Variants in EHBP1L1 observed in about 807,000 individuals in gnomAD.
The protein encoded by EHBP1L1 is EH domain binding protein 1 like 1.
Under a neutral mutation model 151.1 loss-of-function variants are expected in EHBP1L1, and 122 were observed. The observed-to-expected ratio is 0.81, with a 90% CI of 0.70 to 0.94. The LOEUF is 0.94. Ranked by LOEUF, EHBP1L1 falls within the 40% of genes least tolerant of loss-of-function variation. EHBP1L1 has a pLI of 0.00. For missense variants in EHBP1L1, 1,941 were observed against 1,959.8 expected (o/e 0.99, Z 0.18); for synonymous variants, 878 against 810.1 (o/e 1.08, Z -1.42).
chr11:65,585,631 C>T lies in EHBP1L1; in HGVS notation c.3933+40C>T, dbSNP rs376100678. 6.0e-5 allele frequency: 92 copies of T among 1,536,380 alleles called. No homozygotes were observed. The highest frequency in any genetic ancestry group is 1.7e-4 in the Middle Eastern group (1 of 5,922). ...CCTTCTTTCTTCCCCCGCCGCAGCG[C>T]GGGGTCCCGGGAAGATGGGCAGAGA... On this transcript the variant is annotated intron_variant, in intron 12 of 18. Transcript: ENST00000309295. The surrounding 1 kb of genome is among the most constrained non-coding windows in gnomAD (Gnocchi z 4.0).
At chr11:65,577,376 G>T (rs1857382632) in intron 1 of EHBP1L1, among the ~76,000 whole-genome samples, 1 of 152,240 alleles carries the variant, frequency 6.6e-6, no homozygotes, top group Non-Finnish European at 1.5e-5. Context: ...CCCACACTGG[G>T]CCTGCTAGAG....
Position 65,592,437 on chromosome 11 carries a change from T to A in EHBP1L1, c.*135T>A. The A allele has an allele frequency of 1.8e-6, 1 of 568,314 alleles. No homozygotes were observed. The highest frequency in any genetic ancestry group is 2.3e-6 in the Non-Finnish European group (1 of 433,082). 35.2% of individuals were successfully genotyped at this position (568,314 alleles called of 1,614,324 possible). On this transcript the variant is annotated 3_prime_UTR_variant, in exon 19 of 19. Transcript: ENST00000309295. Reference sequence around the variant, plus strand: ...TAGGGGCCGCCGGCGCCCTTCCCCGTACAGGGCAGGGCGGATCCCCGACCC... The same window carrying A: ...TAGGGGCCGCCGGCGCCCTTCCCCGAACAGGGCAGGGCGGATCCCCGACCC...
chr11:65,580,065 C>T lies in EHBP1L1; in HGVS notation c.313-16C>T, dbSNP rs756315038. The T allele has an allele frequency of 3.3e-5, 53 of 1,612,332 alleles. No individual in the cohort carries two copies. Among genetic ancestry groups the T allele is most frequent in the Non-Finnish European group, 4.2e-5 (49 of 1,178,734 alleles). The stretch of plus-strand genomic sequence containing the variant: ...GCACTGATGCCCCTTCTCCTGGTCT[C>T]TCCCCTGGCCCACAGGAGTCTAAGG... On this transcript the variant is annotated splice_polypyrimidine_tract_variant and intron_variant, in intron 4 of 18. Coordinates refer to ENST00000309295, the MANE Select transcript of EHBP1L1 (RefSeq NM_001099409.3).
intron 6 of EHBP1L1, 120 bp downstream of exon 6, chr11:65,580,599 C>A (rs1857550650): frequency 7.7e-7 from 1 of 1,306,830 alleles, no homozygotes; most frequent in Non-Finnish European, 1.0e-6. Context: ...CCCAGGCAGT[C>A]CCAACCAACC....
rs940138692 is a variant in EHBP1L1 at position 65,576,195 on chromosome 11, G to T, written c.-108G>T. On this transcript the variant is annotated 5_prime_UTR_variant, in exon 1 of 19. Transcript: ENST00000309295. Reference sequence around the variant, plus strand: ...GTCGGAGCCTGGGACACCTCCGCACGGACGGGGCGGGCGGCGCGGACAGGC... The same window carrying T: ...GTCGGAGCCTGGGACACCTCCGCACTGACGGGGCGGGCGGCGCGGACAGGC... 17 of 981,034 alleles carry T rather than the reference G, an allele frequency of 1.7e-5. No homozygotes were observed. The highest frequency in any genetic ancestry group is 2.1e-5 in the Non-Finnish European group (15 of 730,236). 60.8% of individuals were successfully genotyped at this position (981,034 alleles called of 1,614,324 possible). A position where few individuals can be genotyped will look rare whatever the true frequency, so the allele number is the denominator to read the frequency against.
In EHBP1L1 at chr11:65,580,231, G is replaced by A. The variant is rs372148950; in HGVS notation, c.463G>A (p.Gly155Arg). 77 of 1,613,564 alleles carry A rather than the reference G, an allele frequency of 4.8e-5. No homozygotes were observed. The highest frequency in any genetic ancestry group is 1.7e-4 in the Middle Eastern group (1 of 6,060). The change falls in exon 5 of 19, where the codon GGG becomes AGG. Residue 155 changes from glycine (G) to arginine (R), a missense_variant. Transcript: ENST00000309295. ...VQAELSLTLS[G>R]VLLREGRATD... is the part of the protein sequence containing the mutation. ...GGCTGAGCTGAGCCTCACTCTTTCC[G>A]GGGTGCTGCTGCGGGAGGGCCGTGC...
Position 65,581,614 on chromosome 11 carries a change from G to GCCCCCAGT in EHBP1L1, c.950_957dup (p.Gly320SerfsTer116). On this transcript the variant is annotated frameshift_variant, in exon 9 of 19. Coordinates refer to ENST00000309295, the MANE Select transcript of EHBP1L1 (RefSeq NM_001099409.3). LOFTEE classifies it high-confidence loss of function. ...TCCGGAAAGGCTCTGATGCCCTCCG[G>GCCCCCAGT]CCCCCAGTCCCCCAGGGGGAAGATG... 6.5e-7 allele frequency: 1 copy of GCCCCCAGT among 1,536,198 alleles called. No individual in the cohort carries two copies. Among genetic ancestry groups the GCCCCCAGT allele is most frequent in the Non-Finnish European group, 8.8e-7 (1 of 1,140,528 alleles).
intron 4 of EHBP1L1, 26 bp from the exon 5 acceptor site, chr11:65,580,055 C>G: frequency 6.2e-7 from 1 of 1,612,690 alleles, no homozygotes; most frequent in Non-Finnish European, 8.5e-7. Flanking sequence ...GATGCCCCTT[C>G]TCCTGGTCTC....
At chr11:65,584,211 C>G in intron 9 of EHBP1L1, 30 bp from the exon 10 acceptor site, 1 of 1,595,700 alleles carries the variant, frequency 6.3e-7, no homozygotes. Flanking sequence ...CCCATTTATA[C>G]ATTCCCTAAG....
At position 65,585,032 on chromosome 11, in the gene EHBP1L1, C is replaced by T. The variant is rs768633699; in HGVS notation, c.3374C>T (p.Pro1125Leu). The T allele has an allele frequency of 2.6e-6, 4 of 1,537,230 alleles. No individual in the cohort carries two copies. ...GCGGACATGGTGCTACTGTCGGTGC[C>T]CGACAAGCTCATCGTCATGACGTAC... ...EPADMVLLSV[P>L]DKLIVMTYLC... Residue 1125 changes from proline (P) to leucine (L), a missense_variant, in exon 12 of 19, where the codon CCC becomes CTC. Physicochemically the swap from Pro to Leu is moderately conservative, Grantham distance 98 (BLOSUM62 -3). Coordinates refer to ENST00000309295, the MANE Select transcript of EHBP1L1 (RefSeq NM_001099409.3). This position sits in a 1 kb window ranked among gnomAD's most constrained non-coding sequence, Gnocchi z 4.0.
chr11:65,580,984 G>C (rs1443175616), intron 6 of EHBP1L1, 74 bp from the exon 7 acceptor site: 1 of 1,529,640 alleles, frequency 6.5e-7, no homozygotes, highest in Non-Finnish European at 8.8e-7. Context: ...CACTGTAGTT[G>C]GGGGAGGGGG....
chr11:65,581,834 G>A lies in EHBP1L1; in HGVS notation c.1162G>A (p.Glu388Lys), dbSNP rs749974288. ...AGAGATGGACACTGAGGACAGGCCA[G>A]AGGCCAGTGGGGTGGACACTGAGCC... ...AEEMDTEDRP[E>K]ASGVDTEPRS... Residue 388 changes from glutamate (E) to lysine (K), a missense_variant, in exon 9 of 19, where the codon GAG becomes AAG. Transcript: ENST00000309295. 6.2e-7 allele frequency: 1 copy of A among 1,613,692 alleles called. No homozygotes were observed. The highest frequency in any genetic ancestry group is 1.7e-5 in the Admixed American group (1 of 59,980).
In EHBP1L1 at chr11:65,585,247, G is replaced by A. The variant is rs1590828756; in HGVS notation, c.3589G>A (p.Ala1197Thr). ...GGGGCCCCAGGAGCCCAAGGAGGCCGCAGACCGCGCAGACGGGGCGGCCCC... is the reference window on the plus strand; with the variant it reads ...GGGGCCCCAGGAGCCCAAGGAGGCCACAGACCGCGCAGACGGGGCGGCCCC... ...AEGPQEPKEA[A>T]DRADGAAPGV... The change falls in exon 12 of 19, where the codon GCA becomes ACA. Residue 1197 changes from alanine to threonine, a missense_variant. Ala to Thr is a moderately conservative substitution (Grantham distance 58). Coordinates refer to ENST00000309295, the MANE Select transcript of EHBP1L1 (RefSeq NM_001099409.3). This position sits in a 1 kb window ranked among gnomAD's most constrained non-coding sequence, Gnocchi z 4.0. 1 of 1,101,360 alleles carries A rather than the reference G, an allele frequency of 9.1e-7. No individual in the cohort carries two copies. The highest frequency in any genetic ancestry group is 4.0e-5 in the South Asian group (1 of 25,138). 68.2% of individuals were successfully genotyped at this position (1,101,360 alleles called of 1,614,324 possible). A position where few individuals can be genotyped will look rare whatever the true frequency, so the allele number is the denominator to read the frequency against.
intron 1 of EHBP1L1, among the ~76,000 whole-genome samples, chr11:65,578,645 C>G (rs988345223): frequency 6.6e-6 from 1 of 152,230 alleles, no homozygotes; most frequent in Non-Finnish European, 1.5e-5. Context: ...GGGCGCTCCA[C>G]AAACATCTTT....
At position 65,580,402 on chromosome 11, in the gene EHBP1L1, A is replaced by G; in HGVS notation, c.557A>G (p.Asp186Gly). Residue 186 changes from aspartate (D) to glycine (G), a missense_variant, in exon 6 of 19, where the codon GAT becomes GGT. Physicochemically the swap from Asp to Gly is moderately conservative, Grantham distance 94. Coordinates refer to ENST00000309295, the MANE Select transcript of EHBP1L1 (RefSeq NM_001099409.3). Reference sequence around the variant, plus strand: ...AAGCCTAGTGATGTGGGCAACTTGGATGACTTTGCTGAGAGTGATGAAGAT... The same window carrying G: ...AAGCCTAGTGATGTGGGCAACTTGGGTGACTTTGCTGAGAGTGATGAAGAT... ...SVKPSDVGNLDDFAESDEDEA... is the reference protein window; with the variant it reads ...SVKPSDVGNLGDFAESDEDEA... 2 of 1,613,760 alleles carry G rather than the reference A, an allele frequency of 1.2e-6. No homozygotes were observed. The highest frequency in any genetic ancestry group is 1.7e-6 in the Non-Finnish European group (2 of 1,179,860).
intron 12 of EHBP1L1, among the ~76,000 whole-genome samples, chr11:65,588,592 G>A (rs998429801): frequency 6.6e-6 from 1 of 152,196 alleles, no homozygotes; most frequent in Non-Finnish European, 1.5e-5. Flanking sequence ...GTGGACACGG[G>A]CAGGTCAACC....
chr11:65,591,765 CACCCCCCCG>C, intron 16 of EHBP1L1, 26 bp from the exon 17 acceptor site: 1 of 923,212 alleles, frequency 1.1e-6, no homozygotes, highest in Non-Finnish European at 1.7e-6. Context: ...CCTGAACTGC[CACCCCCCCG>C]CCACCCACCC....
rs114861591 is a variant in EHBP1L1 at position 65,587,763 on chromosome 11, C to T, written c.3934-1988C>T. The stretch of plus-strand genomic sequence containing the variant: ...GGCACACAGCAAGTTGGTGGCCAAG[C>T]TTGGGAACAAACTGCTGGGTTAGAC... On this transcript the variant is annotated intron_variant, in intron 12 of 18. Coordinates refer to ENST00000309295, the MANE Select transcript of EHBP1L1 (RefSeq NM_001099409.3). Among the ~76,000 whole-genome samples the T allele has an allele frequency of 2.3e-3, 357 of 152,292 alleles. 1 individual carries two copies. The highest frequency in any genetic ancestry group is 8.1e-3 in the African/African-American group (338 of 41,556).
In EHBP1L1 at chr11:65,584,414, G is replaced by A. The variant is rs1322148525; in HGVS notation, c.3251+16G>A. On this transcript the variant is annotated intron_variant, in intron 10 of 18. Coordinates refer to ENST00000309295, the MANE Select transcript of EHBP1L1 (RefSeq NM_001099409.3). ...CAGACAAGATGTGAGCTGCCAGAGG[G>A]GTGGGAACGAATGGGGGAGCCATCA... The A allele has an allele frequency of 1.9e-6, 3 of 1,613,462 alleles. No individual in the cohort carries two copies. The highest frequency in any genetic ancestry group is 4.5e-5 in the East Asian group (2 of 44,874).
Sources: gnomAD v4.1 joint callset for allele counts (sites outside exome capture counted in the v4.1 genomes callset) on GRCh38, gnomAD v4.1.1 for gene constraint, Gnocchi (gnomAD v3.1) non-coding constraint, MANE v1.5 for transcripts, NCBI Gene and HGNC (gene_info 2026-07-23, HGNC 2026-07-21) for gene names.